The following LIX1L variants were observed in gnomAD, a reference collection of about 807,000 sequenced individuals.
The protein encoded by LIX1L is LIX1-like protein.
LIX1L carries 20 observed loss-of-function variants against 34.0 expected under a neutral mutation model. The observed-to-expected ratio is 0.59, with a 90% CI of 0.41 to 0.85. The LOEUF is 0.85. LIX1L is among the 40% of genes least tolerant of loss of function. LIX1L has a pLI of 0.00. For synonymous variants in LIX1L, 170 were observed against 187.4 expected, an observed-to-expected ratio of 0.91 and a Z score of 0.76; for missense variants, 397 against 447.0, an observed-to-expected ratio of 0.89 and a Z score of 1.01.
Position 145,954,001 on chromosome 1 carries a change from G to A in LIX1L, c.292+3635C>T, listed in dbSNP as rs587649875. 9.9e-5 allele frequency among the ~76,000 whole-genome samples: 15 copies of A among 151,900 alleles called. No individual in the cohort carries two copies. In the South Asian group the frequency reaches 2.1e-3, roughly 21 times the overall value. ...CTGGAGCCCAGCAGTTCCAGGCTGC[G>A]GTGAGCTATGATTGCACCACTGCAG... On this transcript the variant is annotated intron_variant, in intron 1 of 5. Transcript: ENST00000604000.
chr1:145,944,642 C>T (rs1334636590), intron 2 of LIX1L: 1 of 152,296 alleles, frequency 6.6e-6, no homozygotes, highest in Non-Finnish European at 1.5e-5. Context: ...AACTCAAACC[C>T]ATCTTGAATT....
At chr1:145,951,045 A>C (rs1553759792) in intron 1 of LIX1L, among the ~76,000 whole-genome samples, 1 of 152,106 alleles carries the variant, frequency 6.6e-6, no homozygotes, top group East Asian at 1.9e-4. Flanking sequence ...TCCTGCAAGC[A>C]AGGAATTTAT....
intron 3 of LIX1L, among the ~76,000 whole-genome samples, chr1:145,939,369 G>A (rs1428098111): frequency 2.0e-5 from 3 of 149,434 alleles, no homozygotes; most frequent in South Asian, 2.1e-4. Flanking sequence ...GCAGTGGTGC[G>A]ATCTCAGTTC....
chr1:145,956,896 T>A (rs1049804545), intron 1 of LIX1L, among the ~76,000 whole-genome samples: 7 of 152,222 alleles, frequency 4.6e-5, no homozygotes, highest in Non-Finnish European at 7.3e-5. Flanking sequence ...TTCCACAGAA[T>A]TTAACATTGA....
At chr1:145,941,585 C>T (rs1395401132) in intron 3 of LIX1L, among the ~76,000 whole-genome samples, 11 of 151,886 alleles carry the variant, frequency 7.2e-5, no homozygotes, top group African/African-American at 2.4e-4. Context: ...GCAAATAGAA[C>T]AGATACTTGG....
In LIX1L at chr1:145,936,422, T is replaced by C. The variant is rs1553757814; in HGVS notation, c.902A>G (p.Glu301Gly). 1.9e-6 allele frequency: 3 copies of C among 1,614,124 alleles called. No homozygotes were observed. The East Asian group carries it at 6.7e-5, about 36-fold the overall frequency. The change falls in exon 6 of 6, where the codon GAG (glutamate) becomes GGG (glycine). Residue 301 changes from glutamate (E) to glycine (G), a missense_variant. Transcript: ENST00000604000. ...LSRELASTERELDEARLAGKE... is the reference protein window; with the variant it reads ...LSRELASTERGLDEARLAGKE... The stretch of plus-strand genomic sequence containing the variant: ...GCCTGCCAGTCGGGCTTCATCCAGC[T>C]CCCGCTCAGTAGAGGCCAGCTCTCT...
chr1:145,952,047 G>A (rs1046949923), intron 1 of LIX1L, among the ~76,000 whole-genome samples: 1 of 152,214 alleles, frequency 6.6e-6, no homozygotes, highest in African/African-American at 2.4e-5. Context: ...TTTTAGGGCT[G>A]GAAGGAACTT....
At position 145,936,186 on chromosome 1, in the gene LIX1L, T is replaced by G. The variant is rs1297475865; in HGVS notation, c.*124A>C. On this transcript the variant is annotated 3_prime_UTR_variant, in exon 6 of 6. Coordinates refer to ENST00000604000, the MANE Select transcript of LIX1L (RefSeq NM_153713.3). ...CAAATAGGAATCTAGGTGTAGAATT[T>G]ATACACATATATATTTTTTAAAGTA... The G allele has an allele frequency of 9.0e-7, 1 of 1,109,242 alleles. No individual in the cohort carries two copies. The highest frequency in any genetic ancestry group is 2.9e-5 in the Admixed American group (1 of 33,900). 68.7% of individuals were successfully genotyped at this position (1,109,242 alleles called of 1,614,324 possible).
At position 145,939,391 on chromosome 1, in the gene LIX1L, C is replaced by T. The variant is rs587618918; in HGVS notation, c.598-1692G>A. Among the ~76,000 whole-genome samples, 227 of 151,514 alleles carry T rather than the reference C, an allele frequency of 1.5e-3. 3 individuals carry two copies. The highest frequency in any genetic ancestry group is 0.012 in the Admixed American group (180 of 15,204). On this transcript the variant is annotated intron_variant, in intron 3 of 5. Coordinates refer to ENST00000604000, the MANE Select transcript of LIX1L (RefSeq NM_153713.3). ...TGCGATCTCAGTTCACCGCAACCTC[C>T]ACCTCCTGGGTTCAAGCGATTTTCC...
chr1:145,957,383 T>C (rs1295194194), intron 1 of LIX1L, among the ~76,000 whole-genome samples: 1 of 152,026 alleles, frequency 6.6e-6, no homozygotes, highest in Non-Finnish European at 1.5e-5. Context: ...GAGAAAAGCT[T>C]AGGAAGAAAA....
At chr1:145,946,474 G>C (rs1387670317) in intron 2 of LIX1L, among the ~76,000 whole-genome samples, 1 of 152,050 alleles carries the variant, frequency 6.6e-6, no homozygotes, top group Non-Finnish European at 1.5e-5. Flanking sequence ...TGGGATTACA[G>C]GTGTGAGTCA....
Position 145,957,970 on chromosome 1 carries a change from C to T in LIX1L, c.-43G>A. ...TAGCGCCCCGGAGCCTGCCAGCCTG[C>T]CGAGCTAACGGTCCCAACCACCCCA... is the stretch of plus-strand genomic sequence containing the variant. On this transcript the variant is annotated 5_prime_UTR_variant, in exon 1 of 6. Transcript: ENST00000604000. 2 of 1,359,280 alleles carry T rather than the reference C, an allele frequency of 1.5e-6. No individual in the cohort carries two copies. Among genetic ancestry groups the T allele is most frequent in the East Asian group, 3.0e-5 (1 of 32,834 alleles). The allele number at this position is 1,359,280 out of a possible 1,614,324, so 84.2% of individuals were successfully genotyped here.
In LIX1L at chr1:145,942,768, C is replaced by G. The variant is rs781998509; in HGVS notation, c.542G>C (p.Arg181Thr). Residue 181 changes from arginine (R) to threonine (T), a missense_variant, in exon 3 of 6, where the codon AGA (arginine) becomes ACA (threonine). Physicochemically the swap from Arg to Thr is moderately conservative, Grantham distance 71. Coordinates refer to ENST00000604000, the MANE Select transcript of LIX1L (RefSeq NM_153713.3). ...CTTCTCGATGAACTCATCAGTGATT[C>G]TTCGGGAAGGATGTTCATTAAACAC... ...NSVFNEHPSRRITDEFIEKSV... is the reference protein window; with the variant it reads ...NSVFNEHPSRTITDEFIEKSV... 4 of 1,614,002 alleles carry G rather than the reference C, an allele frequency of 2.5e-6. No homozygotes were observed. The highest frequency in any genetic ancestry group is 3.4e-6 in the Non-Finnish European group (4 of 1,179,980).
chr1:145,937,378 C>T (rs1648699879), intron 4 of LIX1L: 3 of 352,908 alleles, frequency 8.5e-6, no homozygotes, highest in South Asian at 9.6e-5. Context: ...TGCCATGTCT[C>T]AAACTCCTGG....
chr1:145,955,068 T>C (rs1197314807), intron 1 of LIX1L, among the ~76,000 whole-genome samples: 1 of 152,212 alleles, frequency 6.6e-6, no homozygotes, highest in Non-Finnish European at 1.5e-5. Flanking sequence ...ATCTGCCTTG[T>C]CCACCACTGC....
At chr1:145,947,900 A>C (rs1559242567) in intron 1 of LIX1L, 118 bp from the exon 2 acceptor site, 2 of 794,000 alleles carry the variant, frequency 2.5e-6, no homozygotes, top group East Asian at 5.0e-5. Context: ...TTAGCTCCCT[A>C]CCTATCGCCA....
intron 2 of LIX1L, among the ~76,000 whole-genome samples, chr1:145,944,229 G>A (rs1649023651): frequency 6.6e-6 from 1 of 152,040 alleles, no homozygotes; most frequent in Admixed American, 6.5e-5. Context: ...TGGTTGTGGT[G>A]CACACCTGTG....
chr1:145,938,551 TAAATA>T (rs1252882711), intron 3 of LIX1L, among the ~76,000 whole-genome samples: 2 of 151,664 alleles, frequency 1.3e-5, no homozygotes, highest in African/African-American at 4.8e-5. Context: ...TTTTGAGAAT[TAAATA>T]AAATTTTAAA....
Position 145,935,809 on chromosome 1 carries a change from G to T in LIX1L, c.*501C>A. The stretch of plus-strand genomic sequence containing the variant: ...CTCAAAACAAAGTGGCAATTTGGAG[G>T]CAGAGAAGGAATAAGGTAGTGGTGG... On this transcript the variant is annotated 3_prime_UTR_variant, in exon 6 of 6. Coordinates refer to ENST00000604000, the MANE Select transcript of LIX1L (RefSeq NM_153713.3). 1 of 159,040 alleles carries T rather than the reference G, an allele frequency of 6.3e-6. No homozygotes were observed. 9.9% of individuals were successfully genotyped at this position (159,040 alleles called of 1,614,324 possible).
Sources: allele counts gnomAD v4.1 joint callset (sites outside exome capture counted in the v4.1 genomes callset), GRCh38; gene constraint gnomAD v4.1.1; transcripts MANE v1.5; gene names NCBI Gene and HGNC (gene_info 2026-07-23, HGNC 2026-07-21).